GPC3: variants seen among roughly 807,000 people sequenced by gnomAD.
GPC3 encodes the protein glypican 3.
Under a neutral mutation model 34.4 loss-of-function variants are expected in GPC3, and 3 were observed. The ratio of observed to expected loss-of-function variants is 0.09; its 90% confidence interval spans 0.04 to 0.23. The LOEUF is 0.23. GPC3 is among the 10% of genes least tolerant of loss of function. GPC3 has a pLI of 1.00. For missense variants in GPC3, 351 were observed against 445.6 expected (o/e 0.79, Z 1.91); for synonymous variants, 177 against 174.0 (o/e 1.02, Z -0.13).
At chrX:133,608,439 G>A (rs992717396) in intron 6 of GPC3, among the ~76,000 whole-genome samples, 1 of 112,407 alleles carries the variant, frequency 8.9e-6, no homozygotes, top group African/African-American at 3.2e-5. Context: ...GGGTCCTGGG[G>A]TGAGAGTGTA....
chrX:133,681,510 A>G (rs1299597468), intron 5 of GPC3, among the ~76,000 whole-genome samples: 4 of 112,280 alleles, frequency 3.6e-5, no homozygotes, highest in African/African-American at 1.3e-4. Context: ...TAGGAGAGCT[A>G]AATTTCTTTC....
At chrX:133,894,650 G>T (rs541346605) in intron 2 of GPC3, among the ~76,000 whole-genome samples, 2 of 111,663 alleles carry the variant, frequency 1.8e-5, no homozygotes, top group African/African-American at 6.5e-5. Context: ...GACCAGCCTG[G>T]CCAACATGGT....
chrX:133,602,928 A>G (rs1476478257), intron 6 of GPC3, among the ~76,000 whole-genome samples: 1 of 111,183 alleles, frequency 9.0e-6, no homozygotes, highest in Non-Finnish European at 1.9e-5. Context: ...TAATATTTAA[A>G]TAACAAGTAA....
intron 6 of GPC3, among the ~76,000 whole-genome samples, chrX:133,632,034 A>AT (rs1442696088): frequency 3.6e-5 from 4 of 110,672 alleles, no homozygotes; most frequent in East Asian, 2.8e-4. Context: ...TGTGATAATG[A>AT]TTTTTTTCAG....
chrX:133,711,618 C>T (rs903179363), intron 3 of GPC3, among the ~76,000 whole-genome samples: 2 of 111,619 alleles, frequency 1.8e-5, no homozygotes, highest in Non-Finnish European at 3.8e-5. Context: ...TGAGACCTCT[C>T]GGGAGGTCCT....
chrX:133,850,189 G>GTT (rs1282213093), intron 2 of GPC3, among the ~76,000 whole-genome samples: 1,196 of 72,318 alleles, frequency 0.017, 22 homozygotes, highest in African/African-American at 0.023. Context: ...TGTTTTTTGG[G>GTT]TTTTGTTTTT....
chrX:133,896,029 C>T (rs2284125), intron 2 of GPC3, among the ~76,000 whole-genome samples: 46,714 of 110,470 alleles, frequency 0.42, 8,413 homozygotes, highest in African/African-American at 0.7. Flanking sequence ...AGTGCTTCTC[C>T]AGTCCAACTT....
intron 1 of GPC3, among the ~76,000 whole-genome samples, chrX:133,969,375 A>C (rs983090112): frequency 9.8e-5 from 11 of 112,142 alleles, no homozygotes; most frequent in African/African-American, 3.6e-4. Context: ...AAAGATATAC[A>C]AGGAGCTAAA....
At chrX:133,770,751 T>C (rs1275926429) in intron 2 of GPC3, among the ~76,000 whole-genome samples, 1 of 112,087 alleles carries the variant, frequency 8.9e-6, no homozygotes. Flanking sequence ...GAACTCTCTT[T>C]AGCAAACCTC....
chrX:133,694,349 C>T (rs754220108), intron 4 of GPC3, among the ~76,000 whole-genome samples: 1 of 110,452 alleles, frequency 9.1e-6, no homozygotes, highest in Non-Finnish European at 1.9e-5. Context: ...GCCTGTACCC[C>T]CTACCCCACA....
At chrX:133,792,635 A>T (rs1343856963) in intron 2 of GPC3, among the ~76,000 whole-genome samples, 1 of 111,259 alleles carries the variant, frequency 9.0e-6, no homozygotes, top group East Asian at 2.8e-4. Context: ...CGGTATACCC[A>T]CACTTACTGC....
At chrX:133,717,039 C>T (rs2071320757) in intron 3 of GPC3, among the ~76,000 whole-genome samples, 1 of 110,740 alleles carries the variant, frequency 9.0e-6, no homozygotes, top group Non-Finnish European at 1.9e-5. Flanking sequence ...CAACTCATTG[C>T]AACCTCTTCC....
intron 2 of GPC3, among the ~76,000 whole-genome samples, chrX:133,773,418 G>A (rs1371133035): frequency 2.7e-5 from 3 of 112,232 alleles, no homozygotes; most frequent in Non-Finnish European, 5.6e-5. Flanking sequence ...TGAAAATTGA[G>A]AGGGAAATGC....
rs773727723 is a variant in GPC3 at position 133,838,187 on chromosome X, C to A, written c.338-84011G>T. On this transcript the variant is annotated intron_variant, in intron 2 of 7. Coordinates refer to ENST00000370818, the MANE Select transcript of GPC3 (RefSeq NM_004484.4). ...TACTTCTCTCTATCCTAAAAAGTAACCCCATTTTTCATTTATGAATATTGT... is the reference window on the plus strand; with the variant it reads ...TACTTCTCTCTATCCTAAAAAGTAAACCCATTTTTCATTTATGAATATTGT... Among the ~76,000 whole-genome samples the A allele has an allele frequency of 3.6e-5, 4 of 112,552 alleles. No homozygotes were observed. The South Asian group carries it at 1.5e-3, about 41-fold the overall frequency.
intron 2 of GPC3, among the ~76,000 whole-genome samples, chrX:133,885,924 G>A (rs2124585973): frequency 9.0e-6 from 1 of 110,906 alleles, no homozygotes; most frequent in African/African-American, 3.3e-5. Context: ...AAAAATCAAG[G>A]CAAGGAAATG....
chrX:133,851,693 G>A (rs961321122), intron 2 of GPC3, among the ~76,000 whole-genome samples: 16 of 111,526 alleles, frequency 1.4e-4, no homozygotes, highest in African/African-American at 5.2e-4. Flanking sequence ...TTATTTGCAT[G>A]CAAATCCATG....
chrX:133,860,290 A>G (rs1205683752), intron 2 of GPC3, among the ~76,000 whole-genome samples: 1 of 111,281 alleles, frequency 9.0e-6, no homozygotes, highest in Admixed American at 9.5e-5. Flanking sequence ...TTTTTCCCCC[A>G]GATTTTGAAA....
intron 2 of GPC3, among the ~76,000 whole-genome samples, chrX:133,931,332 C>T (rs184423384): frequency 2.7e-5 from 3 of 111,467 alleles, no homozygotes; most frequent in Admixed American, 9.5e-5. Flanking sequence ...CGTGGTACTT[C>T]AGTTACATCT....
rs201060435 is a variant in GPC3 at position 133,649,804 on chromosome X, C to CA, written c.1413+11925dup. 6.7e-3 allele frequency among the ~76,000 whole-genome samples: 755 copies of CA among 111,976 alleles called. 6 individuals are homozygous for CA. Among genetic ancestry groups the CA allele is most frequent in the African/African-American group, 0.023 (715 of 30,828 alleles). ...TCCCAGGCAGGCACAAAGGCTCAGG[C>CA]AGCAGGGGGCAGCTTTCCTTTTGCC... is the stretch of plus-strand genomic sequence containing the variant. On this transcript the variant is annotated intron_variant, in intron 6 of 7. Transcript: ENST00000370818.
Sources: gnomAD v4.1 joint callset for allele counts (sites outside exome capture counted in the v4.1 genomes callset) on GRCh38, gnomAD v4.1.1 for gene constraint, MANE v1.5 for transcripts, NCBI Gene and HGNC (gene_info 2026-07-23, HGNC 2026-07-21) for gene names.